The following CA10 variants were observed in gnomAD, a reference collection of about 807,000 sequenced individuals.
The protein encoded by CA10 is carbonic anhydrase 10 (inactive).
A neutral mutation model predicts 44.2 loss-of-function variants in CA10; 14 were observed. That is an observed-to-expected ratio of 0.32 (90% confidence interval 0.21 to 0.50). The LOEUF (loss-of-function observed/expected upper bound fraction) is 0.50. Among genes scored for constraint, CA10 ranks in the 20% least tolerant of loss-of-function variants. The probability of loss-of-function intolerance (pLI) is 0.99; values close to 1 mark genes in which losing one functional copy is unlikely to be tolerated. For missense variants in CA10, 350 were observed against 409.7 expected (o/e 0.85, Z 1.26); for synonymous variants, 159 against 141.6 (o/e 1.12, Z -0.87).
chr17:51,922,570 A>G (rs1425226563), intron 3 of CA10, among the ~76,000 whole-genome samples: 2 of 152,122 alleles, frequency 1.3e-5, no homozygotes, highest in Non-Finnish European at 2.9e-5. Context: ...GCATCTCTAC[A>G]TGCCATTTAA....
At chr17:51,740,877 C>T (rs1002224907) in intron 4 of CA10, among the ~76,000 whole-genome samples, 2 of 152,202 alleles carry the variant, frequency 1.3e-5, no homozygotes, top group Non-Finnish European at 2.9e-5. Flanking sequence ...AAACTTGTAG[C>T]TCACTCCTTC....
intron 3 of CA10, among the ~76,000 whole-genome samples, chr17:51,770,743 T>G (rs889348530): frequency 6.6e-6 from 1 of 151,908 alleles, no homozygotes. Flanking sequence ...TTATTCATGG[T>G]GGAGGGCAAA....
Position 52,138,947 on chromosome 17 carries a change from A to T in CA10, c.61+18779T>A, listed in dbSNP as rs148670023. Among the ~76,000 whole-genome samples the T allele has an allele frequency of 4.9e-3, 753 of 152,348 alleles. 3 individuals are homozygous for T. Among genetic ancestry groups the T allele is most frequent in the Non-Finnish European group, 6.9e-3 (471 of 68,036 alleles). ...GTAAGAAGCGCTTGCAGGGAGGCTG[A>T]CGGAGTGCTCCTAGAAAATTGGAAC... is the stretch of plus-strand genomic sequence containing the variant. On this transcript the variant is annotated intron_variant, in intron 1 of 8. Coordinates refer to ENST00000451037, the MANE Select transcript of CA10 (RefSeq NM_020178.5).
At chr17:51,646,170 ATG>A (rs1476871625) in intron 6 of CA10, among the ~76,000 whole-genome samples, 1 of 152,212 alleles carries the variant, frequency 6.6e-6, no homozygotes, top group African/African-American at 2.4e-5. Flanking sequence ...CAGCCATTAA[ATG>A]TGTGTCATTG....
At chr17:51,956,577 A>G (rs1377300406) in intron 2 of CA10, among the ~76,000 whole-genome samples, 1 of 152,190 alleles carries the variant, frequency 6.6e-6, no homozygotes, top group African/African-American at 2.4e-5. Flanking sequence ...AGAGAAACAT[A>G]CAACAGTGCA....
intron 3 of CA10, among the ~76,000 whole-genome samples, chr17:51,927,721 T>C (rs1982489261): frequency 6.6e-6 from 1 of 152,192 alleles, no homozygotes. Context: ...GTTCAATGGC[T>C]AACAAGGGTC....
At chr17:51,660,906 T>C (rs1328009337) in intron 4 of CA10, among the ~76,000 whole-genome samples, 2 of 152,048 alleles carry the variant, frequency 1.3e-5, no homozygotes, top group Non-Finnish European at 2.9e-5. Flanking sequence ...CACATGCTTA[T>C]TCTGTTTCTT....
At chr17:51,699,084 GC>G (rs1915498091) in intron 4 of CA10, among the ~76,000 whole-genome samples, 1 of 152,166 alleles carries the variant, frequency 6.6e-6, no homozygotes, top group Admixed American at 6.5e-5. Context: ...ACTTTGGGAG[GC>G]CAAGGTGGGT....
chr17:51,945,625 C>A (rs1177057179), intron 2 of CA10, among the ~76,000 whole-genome samples: 1 of 152,074 alleles, frequency 6.6e-6, no homozygotes, highest in Non-Finnish European at 1.5e-5. Flanking sequence ...AATCTCATTT[C>A]TTGGGACTGT....
chr17:52,069,101 G>C (rs1288843543), intron 2 of CA10, among the ~76,000 whole-genome samples: 1 of 152,136 alleles, frequency 6.6e-6, no homozygotes. Context: ...CATTGGATAA[G>C]GCCCACACAT....
chr17:51,890,068 C>A (rs1020501469), intron 3 of CA10, among the ~76,000 whole-genome samples: 2 of 152,096 alleles, frequency 1.3e-5, no homozygotes, highest in African/African-American at 2.4e-5. Context: ...GTAGCAACAC[C>A]GGATAAATTT....
chr17:51,712,766 G>A (rs1296393485), intron 4 of CA10, among the ~76,000 whole-genome samples: 3 of 152,198 alleles, frequency 2.0e-5, no homozygotes, highest in Non-Finnish European at 4.4e-5. Flanking sequence ...AACAGGTGTT[G>A]GCCATTAATG....
chr17:52,056,735 A>G (rs191589517), intron 2 of CA10, among the ~76,000 whole-genome samples: 2 of 152,074 alleles, frequency 1.3e-5, no homozygotes, highest in African/African-American at 4.8e-5. Flanking sequence ...TTCTGTAAAC[A>G]ATCCCATTAT....
chr17:52,106,883 A>T (rs1988673267), intron 1 of CA10, among the ~76,000 whole-genome samples: 1 of 152,174 alleles, frequency 6.6e-6, no homozygotes, highest in Non-Finnish European at 1.5e-5. Flanking sequence ...GACCTATCCT[A>T]CAAAAACTAC....
intron 3 of CA10, among the ~76,000 whole-genome samples, chr17:51,876,160 G>GTTT (rs3033579): frequency 5.5e-4 from 33 of 59,790 alleles, no homozygotes; most frequent in African/African-American, 1.6e-3. Context: ...TTCTTCTCTC[G>GTTT]TTTTTTTTTT....
At chr17:51,691,469 ACTT>A (rs1430488315) in intron 4 of CA10, among the ~76,000 whole-genome samples, 7 of 152,252 alleles carry the variant, frequency 4.6e-5, no homozygotes, top group Non-Finnish European at 1.0e-4. Context: ...TTGGATATCA[ACTT>A]CTTATCAGGT....
At chr17:51,903,280 C>CT (rs1262931827) in intron 3 of CA10, among the ~76,000 whole-genome samples, 1 of 152,092 alleles carries the variant, frequency 6.6e-6, no homozygotes, top group Non-Finnish European at 1.5e-5. Context: ...CAAGGCTTGG[C>CT]TATTCAAAGG....
chr17:51,849,473 G>C (rs1049432693), intron 3 of CA10, among the ~76,000 whole-genome samples: 3 of 151,548 alleles, frequency 2.0e-5, no homozygotes, highest in African/African-American at 7.3e-5. Context: ...GGATGCTGGA[G>C]GGCTTGGTGC....
rs1029775761 is a variant in CA10, at chr17:52,132,025, G to T, written c.61+25701C>A. Among the ~76,000 whole-genome samples the T allele has an allele frequency of 3.3e-5, 5 of 151,990 alleles. No homozygotes were observed. The South Asian group carries it at 1.0e-3, about 32-fold the overall frequency. ...GGGACTGTTGTGGGGTGGGGGAAAG[G>T]GGGAGGGATAGCATTAGGAGATATA... On this transcript the variant is annotated intron_variant, in intron 1 of 8. Transcript: ENST00000451037.
Sources: allele counts gnomAD v4.1 joint callset (sites outside exome capture counted in the v4.1 genomes callset), GRCh38; gene constraint gnomAD v4.1.1; transcripts MANE v1.5; gene names NCBI Gene and HGNC (gene_info 2026-07-23, HGNC 2026-07-21).